RBFOX1: variants seen among roughly 807,000 people sequenced by gnomAD.
RBFOX1 encodes the protein RNA binding fox-1 homolog 1.
In RBFOX1, 8 loss-of-function variants were observed where a neutral mutation model predicts 57.7. The ratio of observed to expected loss-of-function variants is 0.14; its 90% CI spans 0.08 to 0.25. The LOEUF (loss-of-function observed/expected upper bound fraction) is 0.25, where lower values mean the gene tolerates loss of function less well. RBFOX1 is among the 10% of genes least tolerant of loss of function. The probability of loss-of-function intolerance (pLI) is 1.00; values close to 1 mark genes in which losing one functional copy is unlikely to be tolerated. For synonymous variants in RBFOX1, 326 were observed against 222.4 expected (o/e 1.47, Z -4.15); for missense variants, 611 against 548.5 (o/e 1.11, Z -1.14).
intron 4 of RBFOX1, among the ~76,000 whole-genome samples, chr16:7,516,377 C>G (rs936375433): frequency 6.6e-6 from 1 of 152,062 alleles, no homozygotes; most frequent in African/African-American, 2.4e-5. Context: ...TCCTATGGCT[C>G]ATCTCGTAGC....
At chr16:5,411,375 G>A (rs181148446) in intron 1 of RBFOX1, among the ~76,000 whole-genome samples, 1 of 152,202 alleles carries the variant, frequency 6.6e-6, no homozygotes. Flanking sequence ...CTGTTGGCTG[G>A]AGATGGAGGA....
At chr16:7,256,976 G>C (rs1419988114) in intron 4 of RBFOX1, among the ~76,000 whole-genome samples, 1 of 152,090 alleles carries the variant, frequency 6.6e-6, no homozygotes, top group Non-Finnish European at 1.5e-5. Flanking sequence ...GTCATGGCTG[G>C]CATTCTCTGT....
At chr16:5,637,790 C>G (rs575653776) in intron 3 of RBFOX1, among the ~76,000 whole-genome samples, 1 of 152,124 alleles carries the variant, frequency 6.6e-6, no homozygotes. Flanking sequence ...GACCACCCTC[C>G]CTGGTAGTGT....
intron 1 of RBFOX1, among the ~76,000 whole-genome samples, chr16:5,286,022 G>T (rs1375116765): frequency 1.3e-5 from 2 of 152,004 alleles, no homozygotes; most frequent in African/African-American, 4.8e-5. Context: ...TGCCCACATC[G>T]GCCTCCCAAA....
chr16:6,912,375 G>A (rs2071864753), intron 3 of RBFOX1, among the ~76,000 whole-genome samples: 1 of 151,546 alleles, frequency 6.6e-6, no homozygotes, highest in Admixed American at 6.6e-5. Flanking sequence ...GGATCTCGGA[G>A]TGGGGACGGT....
At chr16:7,234,421 A>G (rs1363652385) in intron 4 of RBFOX1, among the ~76,000 whole-genome samples, 2 of 152,096 alleles carry the variant, frequency 1.3e-5, no homozygotes, top group Non-Finnish European at 1.5e-5. Context: ...TTGGGAGGTA[A>G]AAGCTAACAG....
chr16:6,797,230 G>A (rs935855123), intron 3 of RBFOX1, among the ~76,000 whole-genome samples: 1 of 152,148 alleles, frequency 6.6e-6, no homozygotes, highest in Admixed American at 6.5e-5. Flanking sequence ...AATTGGCCGT[G>A]CCTTTGATGG....
At chr16:7,129,022 T>G (rs2069440022) in intron 4 of RBFOX1, among the ~76,000 whole-genome samples, 1 of 151,966 alleles carries the variant, frequency 6.6e-6, no homozygotes, top group South Asian at 2.1e-4. Context: ...GGTTTCACCA[T>G]GTTGGCCAGG....
intron 3 of RBFOX1, among the ~76,000 whole-genome samples, chr16:5,856,217 GTATATATA>G (rs1491051275): frequency 1.2e-4 from 4 of 32,212 alleles, no homozygotes; most frequent in African/African-American, 5.2e-4. Context: ...ACATATATAT[GTATATATA>G]TATGTATATA....
At chr16:5,865,273 CT>C (rs1033525167) in intron 3 of RBFOX1, among the ~76,000 whole-genome samples, 3 of 152,124 alleles carry the variant, frequency 2.0e-5, no homozygotes, top group Admixed American at 2.0e-4. Context: ...GCCCAGGGAT[CT>C]TGTGTGCTTG....
chr16:6,887,492 C>T (rs970901860), intron 3 of RBFOX1, among the ~76,000 whole-genome samples: 1 of 152,162 alleles, frequency 6.6e-6, no homozygotes, highest in East Asian at 1.9e-4. Context: ...TTTTCTATCC[C>T]TGGAATCATT....
chr16:6,895,448 GTATATATATATATATATA>G (rs71147622), intron 3 of RBFOX1, among the ~76,000 whole-genome samples: 5 of 54,612 alleles, frequency 9.2e-5, no homozygotes, highest in Non-Finnish European at 1.3e-4. Context: ...GTGTGTGTGT[GTATATATATATATATATA>G]TATATATATA....
At chr16:7,139,034 C>T (rs1401769705) in intron 4 of RBFOX1, among the ~76,000 whole-genome samples, 1 of 152,048 alleles carries the variant, frequency 6.6e-6, no homozygotes, top group East Asian at 1.9e-4. Flanking sequence ...AAACTCCTGG[C>T]CCCAAGTGAT....
chr16:6,985,860 T>C, intron 3 of RBFOX1, among the ~76,000 whole-genome samples: 1 of 121,800 alleles, frequency 8.2e-6, no homozygotes, highest in Non-Finnish European at 1.7e-5. Flanking sequence ...GAATTTTTTT[T>C]TCTTTTTTCT....
intron 4 of RBFOX1, among the ~76,000 whole-genome samples, chr16:7,317,792 G>A (rs964483865): frequency 1.9e-4 from 29 of 152,158 alleles, no homozygotes; most frequent in Admixed American, 1.3e-3. Flanking sequence ...CATGTTTCTC[G>A]ACTTCTCTGC....
chr16:6,717,135 T>C (rs1286053739), intron 3 of RBFOX1, among the ~76,000 whole-genome samples: 6 of 152,082 alleles, frequency 3.9e-5, no homozygotes, highest in African/African-American at 1.4e-4. Context: ...TCTAGAACCG[T>C]GAGAAATAAA....
At chr16:5,906,098 C>G (rs1378895698) in intron 4 of RBFOX1, among the ~76,000 whole-genome samples, 1 of 152,120 alleles carries the variant, frequency 6.6e-6, no homozygotes, top group East Asian at 1.9e-4. Context: ...TAGCTGGCAG[C>G]AAACACCTCA....
intron 7 of RBFOX1, among the ~76,000 whole-genome samples, chr16:7,592,724 G>C (rs938427369): frequency 3.3e-5 from 5 of 152,164 alleles, no homozygotes; most frequent in Non-Finnish European, 5.9e-5. Flanking sequence ...ATGTGCTTTT[G>C]GCTGTACCTC....
chr16:5,352,800 AGG>A (rs1279063030), intron 1 of RBFOX1, among the ~76,000 whole-genome samples: 1 of 152,072 alleles, frequency 6.6e-6, no homozygotes, highest in African/African-American at 2.4e-5. Flanking sequence ...AAAATTAGCC[AGG>A]CATGGTGGCA....
Sources: gnomAD v4.1 joint callset for allele counts (sites outside exome capture counted in the v4.1 genomes callset) on GRCh38, gnomAD v4.1.1 for gene constraint, MANE v1.5 for transcripts, NCBI Gene and HGNC (gene_info 2026-07-23, HGNC 2026-07-21) for gene names.